Variants in ANKRD55 observed in about 807,000 individuals in gnomAD.
The protein encoded by ANKRD55 is ankyrin repeat domain-containing protein 55.
In ANKRD55, 41 loss-of-function variants were observed where a neutral mutation model predicts 60.6. The observed-to-expected ratio is 0.68, with a 90% CI of 0.53 to 0.88. The LOEUF (loss-of-function observed/expected upper bound fraction) is 0.88. Ranked by LOEUF, ANKRD55 falls within the 40% of genes least tolerant of loss-of-function variation. ANKRD55 has a pLI of 0.00. For synonymous variants in ANKRD55, 264 were observed against 290.3 expected, an observed-to-expected ratio of 0.91 and a Z score of 0.92; for missense variants, 732 against 767.6, an observed-to-expected ratio of 0.95 and a Z score of 0.55.
intron 2 of ANKRD55, among the ~76,000 whole-genome samples, chr5:56,186,014 C>A: frequency 6.6e-6 from 1 of 152,168 alleles, no homozygotes; most frequent in Non-Finnish European, 1.5e-5. Flanking sequence ...TGCCTGGGGG[C>A]CAGAAGTGAA....
At chr5:56,186,602 T>C (rs1036351759) in intron 2 of ANKRD55, among the ~76,000 whole-genome samples, 8 of 152,222 alleles carry the variant, frequency 5.3e-5, no homozygotes, top group Non-Finnish European at 1.0e-4. Context: ...ATAGTGTATA[T>C]ATTTGCTGTG....
intron 2 of ANKRD55, among the ~76,000 whole-genome samples, chr5:56,209,202 C>T (rs1190823320): frequency 6.6e-6 from 1 of 151,996 alleles, no homozygotes; most frequent in Non-Finnish European, 1.5e-5. Flanking sequence ...AGTGATCTAC[C>T]CCCCTCGGCC....
chr5:56,201,048 G>A (rs1759354479), intron 2 of ANKRD55, among the ~76,000 whole-genome samples: 1 of 152,188 alleles, frequency 6.6e-6, no homozygotes, highest in East Asian at 1.9e-4. Flanking sequence ...ATGCCCTAGT[G>A]GGAAGACAAA....
chr5:56,157,246 C>T (rs1158138303), intron 6 of ANKRD55, among the ~76,000 whole-genome samples: 1 of 152,180 alleles, frequency 6.6e-6, no homozygotes, highest in East Asian at 1.9e-4. Context: ...TGTTAAAAGT[C>T]ATCACCACTC....
Position 56,166,145 on chromosome 5 carries a change from T to C in ANKRD55, c.422+4549A>G, listed in dbSNP as rs1171849005. Among the ~76,000 whole-genome samples, 18 of 88,472 alleles carry C rather than the reference T, an allele frequency of 2.0e-4. 1 individual carries two copies. The highest frequency in any genetic ancestry group is 1.4e-3 in the African/African-American group (17 of 11,958). 58.0% of individuals were successfully genotyped at this position (88,472 alleles called of 152,430 possible). A position where few individuals can be genotyped will look rare whatever the true frequency, so the allele number is the denominator to read the frequency against. On this transcript the variant is annotated intron_variant, in intron 5 of 11. Coordinates refer to ENST00000341048, the MANE Select transcript of ANKRD55 (RefSeq NM_024669.3). ...TTCTTTCTTTCTTTCTTTCTTTCTT[T>C]CTTTCTTTCTTCTTTCCTTCCTTCC...
intron 8 of ANKRD55, among the ~76,000 whole-genome samples, chr5:56,117,266 A>G (rs1246130407): frequency 1.3e-5 from 2 of 152,162 alleles, no homozygotes; most frequent in African/African-American, 4.8e-5. Context: ...CTTTTGAAAT[A>G]TAAGTTTGTT....
chr5:56,116,231 A>T (rs1756882522), intron 9 of ANKRD55, among the ~76,000 whole-genome samples: 1 of 152,206 alleles, frequency 6.6e-6, no homozygotes, highest in Admixed American at 6.6e-5. Context: ...GGGGCCCTTA[A>T]TAATTTTTGA....
In ANKRD55 at chr5:56,189,738, G is replaced by A. The variant is rs1450607794; in HGVS notation, c.59-6104C>T. Reference sequence around the variant, plus strand: ...ATTCATTACCTGTCAGTGGACACTTGCGTTGTTCCCATCTTTTGGCTATTG... The same window carrying A: ...ATTCATTACCTGTCAGTGGACACTTACGTTGTTCCCATCTTTTGGCTATTG... On this transcript the variant is annotated intron_variant, in intron 2 of 11. Coordinates refer to ENST00000341048, the MANE Select transcript of ANKRD55 (RefSeq NM_024669.3). Among the ~76,000 whole-genome samples, 4 of 152,294 alleles carry A rather than the reference G, an allele frequency of 2.6e-5. No individual in the cohort carries two copies. In the East Asian group the frequency reaches 7.7e-4, roughly 29 times the overall value.
In ANKRD55 at chr5:56,121,649, G is replaced by A. The variant is rs910667724; in HGVS notation, c.798-4867C>T. ...GCCTCCCAAAGTGCTGGGATTACAGGAGTGAGCCACCACACCCGGCCAGTG... is the reference window on the plus strand; with the variant it reads ...GCCTCCCAAAGTGCTGGGATTACAGAAGTGAGCCACCACACCCGGCCAGTG... On this transcript the variant is annotated intron_variant, in intron 8 of 11. Coordinates refer to ENST00000341048, the MANE Select transcript of ANKRD55 (RefSeq NM_024669.3). 2.0e-5 allele frequency among the ~76,000 whole-genome samples: 3 copies of A among 151,754 alleles called. No homozygotes were observed. The South Asian group carries it at 6.2e-4, about 32-fold the overall frequency.
At chr5:56,158,428 AT>A (rs1758248394) in intron 6 of ANKRD55, among the ~76,000 whole-genome samples, 1 of 152,222 alleles carries the variant, frequency 6.6e-6, no homozygotes, top group Non-Finnish European at 1.5e-5. Flanking sequence ...TGTTAAGGAA[AT>A]CAGCCTGGCT....
intron 2 of ANKRD55, among the ~76,000 whole-genome samples, chr5:56,228,058 C>A (rs1029270409): frequency 2.0e-5 from 3 of 152,186 alleles, no homozygotes; most frequent in African/African-American, 7.2e-5. Flanking sequence ...GACCTCTTCT[C>A]ACTCCCTGCA....
chr5:56,211,378 A>G (rs1273695662), intron 2 of ANKRD55, among the ~76,000 whole-genome samples: 1 of 152,136 alleles, frequency 6.6e-6, no homozygotes, highest in Non-Finnish European at 1.5e-5. Context: ...CTGTGTAAGC[A>G]CTTCCTAGAA....
At chr5:56,133,046 C>T (rs747045199) in intron 7 of ANKRD55, among the ~76,000 whole-genome samples, 39 of 152,324 alleles carry the variant, frequency 2.6e-4, no homozygotes, top group Non-Finnish European at 4.3e-4. Context: ...CAAGAAGAAA[C>T]AGATGAGTCC....
intron 2 of ANKRD55, among the ~76,000 whole-genome samples, chr5:56,207,167 G>T (rs1423896827): frequency 6.6e-6 from 1 of 152,164 alleles, no homozygotes; most frequent in East Asian, 1.9e-4. Flanking sequence ...GATATTATGA[G>T]CATGTAACAA....
intron 4 of ANKRD55, among the ~76,000 whole-genome samples, chr5:56,175,913 C>G (rs6876474): frequency 0.083 from 12,672 of 152,174 alleles, 818 homozygotes; most frequent in African/African-American, 0.18. Flanking sequence ...GAATGTTTCC[C>G]TAATGGCCAT....
chr5:56,119,455 A>C (rs1012634641), intron 8 of ANKRD55, among the ~76,000 whole-genome samples: 4 of 152,218 alleles, frequency 2.6e-5, no homozygotes, highest in African/African-American at 7.2e-5. Context: ...ACTATATGGA[A>C]GGACATGAGT....
At chr5:56,202,003 A>C (rs887055985) in intron 2 of ANKRD55, among the ~76,000 whole-genome samples, 7 of 152,198 alleles carry the variant, frequency 4.6e-5, no homozygotes, top group Admixed American at 2.0e-4. Context: ...AGGGACATGG[A>C]TGGAGTTGGA....
rs1456297146 is a variant in ANKRD55, at chr5:56,133,435, T to C, written c.613-6329A>G. Among the ~76,000 whole-genome samples, 62 of 46,010 alleles carry C rather than the reference T, an allele frequency of 1.3e-3. 14 individuals carry two copies. The highest frequency in any genetic ancestry group is 0.012 in the Admixed American group (62 of 5,302). 30.2% of individuals were successfully genotyped at this position (46,010 alleles called of 152,430 possible). A position where few individuals can be genotyped will look rare whatever the true frequency, so the allele number is the denominator to read the frequency against. ...GCCTGGGTGACAGAGGAAGACTCCG[T>C]CTCAAAAAAAAAAAAAAACAATTAA... On this transcript the variant is annotated intron_variant, in intron 7 of 11. Coordinates refer to ENST00000341048, the MANE Select transcript of ANKRD55 (RefSeq NM_024669.3).
rs1561263773 is a variant in ANKRD55 at position 56,135,261 on chromosome 5, TCTTTCCC to T, written c.613-8162_613-8156del. On this transcript the variant is annotated intron_variant, in intron 7 of 11. Coordinates refer to ENST00000341048, the MANE Select transcript of ANKRD55 (RefSeq NM_024669.3). ...TTCCTTCCTTCCTTCCTTCCTTCCT[TCTTTCCC>T]TCCCTCCCTCCCTGCCTGCCTGCTT... Among the ~76,000 whole-genome samples, 130 of 127,478 alleles carry T rather than the reference TCTTTCCC, an allele frequency of 1.0e-3. 7 individuals carry two copies. The highest frequency in any genetic ancestry group is 3.6e-3 in the African/African-American group (104 of 29,254). 83.6% of individuals were successfully genotyped at this position (127,478 alleles called of 152,430 possible).
Sources: gnomAD v4.1 joint callset for allele counts (sites outside exome capture counted in the v4.1 genomes callset) on GRCh38, gnomAD v4.1.1 for gene constraint, MANE v1.5 for transcripts, NCBI Gene and HGNC (gene_info 2026-07-23, HGNC 2026-07-21) for gene names.